PEMT: variants seen among roughly 807,000 people sequenced by gnomAD.
PEMT encodes the protein phospholipid methyltransferase.
PEMT carries 23 observed loss-of-function variants against 27.4 expected under a neutral mutation model. That is an observed-to-expected ratio of 0.84 (90% CI 0.60 to 1.19). The LOEUF is 1.19. Among genes scored for constraint, PEMT ranks in the 50% most tolerant of loss-of-function variants. PEMT has a pLI of 0.00. For missense variants in PEMT, 307 were observed against 310.1 expected (o/e 0.99, Z 0.07); for synonymous variants, 137 against 139.1 (o/e 0.98, Z 0.11).
chr17:17,541,324 C>T (rs4646386), intron 2 of PEMT, among the ~76,000 whole-genome samples: 3,161 of 151,596 alleles, frequency 0.021, 89 homozygotes, highest in East Asian at 0.098. Context: ...GATCCCGAGC[C>T]CCAGCTCTTT....
At chr17:17,537,237 G>A (rs1723755723) in intron 2 of PEMT, among the ~76,000 whole-genome samples, 11 of 152,218 alleles carry the variant, frequency 7.2e-5, no homozygotes, top group Admixed American at 7.2e-4. Flanking sequence ...CTCGGAGGTG[G>A]GAGCCCAGAG....
chr17:17,509,181 C>A (rs186687131), intron 5 of PEMT, among the ~76,000 whole-genome samples: 2 of 152,388 alleles, frequency 1.3e-5, no homozygotes, highest in African/African-American at 2.4e-5. Flanking sequence ...CAGCTGTGAC[C>A]TGCCTGCAGC....
At chr17:17,533,775 G>A (rs1908269525) in intron 2 of PEMT, among the ~76,000 whole-genome samples, 3 of 151,852 alleles carry the variant, frequency 2.0e-5, no homozygotes, top group Admixed American at 1.3e-4. Flanking sequence ...CTGTTGCCCA[G>A]GCTGGAGTGC....
intron 2 of PEMT, among the ~76,000 whole-genome samples, chr17:17,550,993 G>A (rs577407011): frequency 3.6e-4 from 55 of 152,320 alleles, no homozygotes; most frequent in Admixed American, 1.5e-3. Flanking sequence ...ACCTGCCCAC[G>A]TGTGCAGATT....
At chr17:17,533,282 G>A (rs1022947718) in intron 2 of PEMT, among the ~76,000 whole-genome samples, 1 of 152,212 alleles carries the variant, frequency 6.6e-6, no homozygotes, top group East Asian at 1.9e-4. Flanking sequence ...ATATTCACAT[G>A]CAAAAGAATG....
intron 2 of PEMT, among the ~76,000 whole-genome samples, chr17:17,524,225 C>T (rs935137031): frequency 2.6e-5 from 4 of 152,170 alleles, no homozygotes; most frequent in South Asian, 2.1e-4. Flanking sequence ...AAGCAACATA[C>T]GGGCGCTTGC....
intron 2 of PEMT, among the ~76,000 whole-genome samples, chr17:17,540,283 G>A (rs1908789533): frequency 6.6e-6 from 1 of 152,214 alleles, no homozygotes; most frequent in South Asian, 2.1e-4. Context: ...GCAATGGCCG[G>A]GACGAGGAGG....
At chr17:17,544,980 G>T (rs1269275337) in intron 2 of PEMT, among the ~76,000 whole-genome samples, 2 of 152,240 alleles carry the variant, frequency 1.3e-5, no homozygotes, top group Non-Finnish European at 2.9e-5. Context: ...TCCAGAGGGA[G>T]TCCAAGGTGG....
At chr17:17,591,093 A>C (rs915617670) in intron 1 of PEMT, among the ~76,000 whole-genome samples, 1 of 152,122 alleles carries the variant, frequency 6.6e-6, no homozygotes, top group East Asian at 1.9e-4. Context: ...CACACTCCCA[A>C]ACATATAATC....
Position 17,571,522 on chromosome 17 carries a change from G to A in PEMT, c.204+5398C>T, listed in dbSNP as rs78670311. The stretch of plus-strand genomic sequence containing the variant: ...CAGGTGGCTCACCTAGGAAGCCTGG[G>A]AGGGAAGAGGGAAGGGACGGAGTGG... On this transcript the variant is annotated intron_variant, in intron 2 of 6. Coordinates refer to ENST00000255389, the MANE Select transcript of PEMT (RefSeq NM_148172.3). 9.8e-3 allele frequency among the ~76,000 whole-genome samples: 1,495 copies of A among 152,222 alleles called. 27 individuals are homozygous for A. In the East Asian group the frequency reaches 0.1, roughly 10 times the overall value.
rs1297615771 is a variant in PEMT at position 17,582,385 on chromosome 17, C to T, written c.97-5358G>A. On this transcript the variant is annotated intron_variant, in intron 1 of 6. Transcript: ENST00000255389. This position sits in a 1 kb window ranked among gnomAD's most constrained non-coding sequence, Gnocchi z 4.9. ...AAGGAAGAGGCTTTATGGTAATTTA[C>T]TCCATTGAGGGGTGCAGGGTTCTCG... 6.1e-6 allele frequency: 6 copies of T among 985,346 alleles called. No individual in the cohort carries two copies. Among genetic ancestry groups the T allele is most frequent in the African/African-American group, 1.7e-5 (1 of 57,242 alleles). The allele number at this position is 985,346 out of a possible 1,614,324, so 61.0% of individuals were successfully genotyped here. A position where few individuals can be genotyped will look rare whatever the true frequency, so the allele number is the denominator to read the frequency against.
At chr17:17,526,937 G>A (rs1394894658) in intron 2 of PEMT, among the ~76,000 whole-genome samples, 6 of 152,198 alleles carry the variant, frequency 3.9e-5, no homozygotes, top group East Asian at 3.8e-4. Context: ...CAAGAAGCAC[G>A]ACCCCCTTCT....
chr17:17,529,608 G>A (rs1907944514), intron 2 of PEMT, among the ~76,000 whole-genome samples: 2 of 152,134 alleles, frequency 1.3e-5, no homozygotes, highest in Admixed American at 1.3e-4. Context: ...TGCACCCGAG[G>A]CCCCAGCAAA....
chr17:17,538,838 C>T (rs553678715), intron 2 of PEMT, among the ~76,000 whole-genome samples: 2 of 152,244 alleles, frequency 1.3e-5, no homozygotes, highest in South Asian at 2.1e-4. Context: ...CAGCCTGCCT[C>T]GGAAAGGAAA....
At chr17:17,552,074 T>C (rs1909692383) in intron 2 of PEMT, among the ~76,000 whole-genome samples, 1 of 152,060 alleles carries the variant, frequency 6.6e-6, no homozygotes, top group African/African-American at 2.4e-5. Context: ...CGGTGGTGCG[T>C]GCCTGTAATC....
chr17:17,508,803 G>GC (rs1387507413), intron 5 of PEMT: 2 of 463,176 alleles, frequency 4.3e-6, no homozygotes, highest in African/African-American at 4.0e-5. Context: ...ATGGCACGGG[G>GC]CCCCCTCTGT....
At position 17,555,251 on chromosome 17, in the gene PEMT, C is replaced by T. The variant is rs137927128; in HGVS notation, c.204+21669G>A. On this transcript the variant is annotated intron_variant, in intron 2 of 6. Transcript: ENST00000255389. ...CCCACCCCCAAGAAGAAGGGCGACA[C>T]GGAGGGATGGGGCCGAATTAGGGAA... is the stretch of plus-strand genomic sequence containing the variant. 2.9e-4 allele frequency among the ~76,000 whole-genome samples: 44 copies of T among 152,208 alleles called. 1 individual carries two copies. In the South Asian group the frequency reaches 3.5e-3, roughly 12 times the overall value.
chr17:17,549,564 C>T (rs958199341), intron 2 of PEMT, among the ~76,000 whole-genome samples: 2 of 152,230 alleles, frequency 1.3e-5, no homozygotes, highest in African/African-American at 4.8e-5. Context: ...CCTCACTCAA[C>T]CTCACAAAAT....
intron 2 of PEMT, among the ~76,000 whole-genome samples, chr17:17,574,612 C>T (rs1277719055): frequency 9.2e-5 from 14 of 152,208 alleles, no homozygotes; most frequent in African/African-American, 3.1e-4. Context: ...TGGGCCACCG[C>T]GCCCGGCCAA....
Sources: gnomAD v4.1 joint callset for allele counts (sites outside exome capture counted in the v4.1 genomes callset) on GRCh38, gnomAD v4.1.1 for gene constraint, Gnocchi (gnomAD v3.1) non-coding constraint, MANE v1.5 for transcripts, NCBI Gene and HGNC (gene_info 2026-07-23, HGNC 2026-07-21) for gene names.